UTRN: variants seen among roughly 807,000 people sequenced by gnomAD.
UTRN encodes utrophin, also known as dystrophin-related protein 1.
In UTRN, 283 loss-of-function variants were observed where a neutral mutation model predicts 463.9. That is an observed-to-expected ratio of 0.61 (90% confidence interval 0.55 to 0.67). UTRN has a LOEUF of 0.67. Ranked by LOEUF, UTRN falls within the 30% of genes least tolerant of loss-of-function variation. The probability of loss-of-function intolerance (pLI) is 0.00; values close to 1 mark genes in which losing one functional copy is unlikely to be tolerated. For missense variants in UTRN, 3,922 were observed against 4,084.3 expected (o/e 0.96, Z 1.08); for synonymous variants, 1,442 against 1,431.5 (o/e 1.01, Z -0.17).
intron 54 of UTRN, among the ~76,000 whole-genome samples, chr6:144,747,136 G>C (rs1056499447): frequency 1.3e-5 from 2 of 152,200 alleles, no homozygotes; most frequent in African/African-American, 4.8e-5. Flanking sequence ...CATTTTCCAA[G>C]TGATTTGGAA....
Position 144,806,109 on chromosome 6 carries a change from T to C in UTRN, c.9357+2962T>C, listed in dbSNP as rs140475038. Among the ~76,000 whole-genome samples, 243 of 152,348 alleles carry C rather than the reference T, an allele frequency of 1.6e-3. 3 individuals are homozygous for C. The East Asian group carries it at 0.039, about 24-fold the overall frequency. On this transcript the variant is annotated intron_variant, in intron 65 of 74. Coordinates refer to ENST00000367545, the MANE Select transcript of UTRN (RefSeq NM_007124.3). The stretch of plus-strand genomic sequence containing the variant: ...TATATAAAATTACTATTTTTCTTGG[T>C]CTTGAACATATAATAATTCTTAATG...
rs562619008 is a variant in UTRN at position 144,700,551 on chromosome 6, GTTT to G, written c.7809+314_7809+316del. 1.3e-3 allele frequency among the ~76,000 whole-genome samples: 200 copies of G among 151,434 alleles called. 2 individuals are homozygous for G. The highest frequency in any genetic ancestry group is 3.9e-3 in the Admixed American group (59 of 15,200). On this transcript the variant is annotated intron_variant, in intron 53 of 74. Coordinates refer to ENST00000367545, the MANE Select transcript of UTRN (RefSeq NM_007124.3). The stretch of plus-strand genomic sequence containing the variant: ...GAATCATAATATATTGAGGTTTTGG[GTTT>G]TTTTTGTTTTTTGTTTGTTTGTTTG...
At chr6:144,523,958 A>C (rs1796345658) in intron 41 of UTRN, among the ~76,000 whole-genome samples, 1 of 152,194 alleles carries the variant, frequency 6.6e-6, no homozygotes, top group South Asian at 2.1e-4. Context: ...AAATGAAAAC[A>C]GGCAAGATTT....
At chr6:144,499,452 C>A in intron 34 of UTRN, 25 bp downstream of exon 34, 1 of 1,574,252 alleles carries the variant, frequency 6.4e-7, no homozygotes, top group East Asian at 2.3e-5. Context: ...AGATGAAACA[C>A]CAGCATGATG....
chr6:144,470,783 G>A (rs950119330), intron 23 of UTRN, among the ~76,000 whole-genome samples: 6 of 152,110 alleles, frequency 3.9e-5, no homozygotes, highest in Middle Eastern at 6.8e-3. Context: ...CCGGTACCTC[G>A]GGAGGCCGAG....
intron 53 of UTRN, among the ~76,000 whole-genome samples, chr6:144,708,895 T>G (rs1467832686): frequency 1.3e-5 from 2 of 152,264 alleles, no homozygotes; most frequent in East Asian, 3.9e-4. Flanking sequence ...CTTCCTGCTG[T>G]GTCATCCAAT....
intron 51 of UTRN, among the ~76,000 whole-genome samples, chr6:144,591,848 T>C (rs1453320470): frequency 2.0e-5 from 3 of 152,184 alleles, no homozygotes; most frequent in Non-Finnish European, 2.9e-5. Context: ...TGAAGAATTT[T>C]CCTTTTTCTT....
intron 65 of UTRN, among the ~76,000 whole-genome samples, chr6:144,810,068 C>T (rs1473103748): frequency 6.6e-6 from 1 of 152,116 alleles, no homozygotes; most frequent in African/African-American, 2.4e-5. Flanking sequence ...CGACCTAATG[C>T]TAATGAACTA....
intron 17 of UTRN, among the ~76,000 whole-genome samples, chr6:144,450,930 T>C (rs1191948721): frequency 6.6e-6 from 1 of 152,108 alleles, no homozygotes; most frequent in Non-Finnish European, 1.5e-5. Flanking sequence ...CTGGCCAACA[T>C]GGTGAAACTC....
chr6:144,440,285 C>A, intron 12 of UTRN, 67 bp from the exon 13 acceptor site: 2 of 1,551,108 alleles, frequency 1.3e-6, no homozygotes, highest in South Asian at 1.1e-5. Context: ...CTATTGACAA[C>A]TGAGTGCGTT....
chr6:144,670,314 C>T (rs993970362), intron 51 of UTRN, among the ~76,000 whole-genome samples: 4 of 151,984 alleles, frequency 2.6e-5, no homozygotes, highest in African/African-American at 9.7e-5. Flanking sequence ...TTAATTATGG[C>T]CATTCTTGCA....
intron 50 of UTRN, among the ~76,000 whole-genome samples, chr6:144,566,144 C>T (rs907301321): frequency 1.3e-5 from 2 of 152,210 alleles, no homozygotes; most frequent in South Asian, 2.1e-4. Flanking sequence ...TTTAGATGTA[C>T]GTGAACTAGA....
intron 1 of UTRN, 68 bp downstream of exon 1, chr6:144,285,889 GGGCCGGGAGGAGGAT>G (rs1383484377): frequency 1.3e-5 from 2 of 152,254 alleles, no homozygotes; most frequent in African/African-American, 4.8e-5. Flanking sequence ...AATGGGGCGG[GGGCCGGGAGGAGGAT>G]GGCTCTTTCT....
chr6:144,755,726 A>T (rs1282381849), intron 57 of UTRN, among the ~76,000 whole-genome samples: 1 of 152,152 alleles, frequency 6.6e-6, no homozygotes, highest in Non-Finnish European at 1.5e-5. Context: ...AAACTTTAAA[A>T]CTTAGGGCAA....
chr6:144,305,519 C>G (rs976774069), intron 2 of UTRN, among the ~76,000 whole-genome samples: 8 of 152,098 alleles, frequency 5.3e-5, no homozygotes, highest in Non-Finnish European at 8.8e-5. Context: ...GTCTTAAGCC[C>G]AGTTCCTTGG....
rs553626187 is a variant in UTRN, at chr6:144,523,067, G to C, written c.5785G>C (p.Glu1929Gln). ...TGGAGAGCAGATTGCAGTCATTCATGAAAAACAGCCAGATGTCATCCTTGA... is the reference window on the plus strand; with the variant it reads ...TGGAGAGCAGATTGCAGTCATTCATCAAAAACAGCCAGATGTCATCCTTGA... ...KLGEQIAVIHEKQPDVILEAS... is the reference protein window; with the variant it reads ...KLGEQIAVIHQKQPDVILEAS... Residue 1929 changes from glutamate to glutamine, a missense_variant, in exon 41 of 75, where the codon GAA becomes CAA. Coordinates refer to ENST00000367545, the MANE Select transcript of UTRN (RefSeq NM_007124.3). 18 of 1,613,168 alleles carry C rather than the reference G, an allele frequency of 1.1e-5. No homozygotes were observed. The East Asian group carries it at 1.3e-4, about 12-fold the overall frequency.
chr6:144,459,034 AGTGGAGGAATTCTAT>A (rs1223949695), intron 20 of UTRN, 23 bp downstream of exon 20: 5 of 1,581,416 alleles, frequency 3.2e-6, no homozygotes, highest in Non-Finnish European at 4.3e-6. Context: ...CGGTCTGGAA[AGTGGAGGAATTCTAT>A]GTGCAGTTCC....
intron 51 of UTRN, among the ~76,000 whole-genome samples, chr6:144,608,843 T>A (rs971352260): frequency 1.3e-5 from 2 of 152,192 alleles, no homozygotes; most frequent in Non-Finnish European, 2.9e-5. Context: ...TTCATCTTGG[T>A]ATCTGCAACT....
chr6:144,587,894 A>G (rs1802622853), intron 51 of UTRN, among the ~76,000 whole-genome samples: 1 of 152,090 alleles, frequency 6.6e-6, no homozygotes, highest in Non-Finnish European at 1.5e-5. Flanking sequence ...TTCCCACTTG[A>G]TCATATGAGT....
Sources: gnomAD v4.1 joint callset for allele counts (sites outside exome capture counted in the v4.1 genomes callset) on GRCh38, gnomAD v4.1.1 for gene constraint, MANE v1.5 for transcripts, NCBI Gene and HGNC (gene_info 2026-07-23, HGNC 2026-07-21) for gene names.